Variants in SIAH3 observed in about 807,000 individuals in gnomAD.
The protein encoded by SIAH3 is seven in absentia homolog 3.
Under a neutral mutation model 12.6 loss-of-function variants are expected in SIAH3, and 9 were observed. The observed-to-expected ratio is 0.72, with a 90% CI of 0.43 to 1.25. SIAH3 has a LOEUF of 1.25. Among genes scored for constraint, SIAH3 ranks in the 50% most tolerant of loss-of-function variants. The pLI, the probability that SIAH3 is intolerant of heterozygous loss-of-function variation, is 0.00. For missense variants in SIAH3, 390 were observed against 365.4 expected (o/e 1.07, Z -0.55); for synonymous variants, 154 against 151.1 (o/e 1.02, Z -0.14).
chr13:45,812,074 G>A (rs1293705501), intron 1 of SIAH3, among the ~76,000 whole-genome samples: 9 of 152,204 alleles, frequency 5.9e-5, no homozygotes, highest in Non-Finnish European at 7.3e-5. Flanking sequence ...GCCCAGCACC[G>A]GTGGAGATGG....
intron 1 of SIAH3, among the ~76,000 whole-genome samples, chr13:45,812,644 T>C (rs1950619985): frequency 6.6e-6 from 1 of 152,134 alleles, no homozygotes; most frequent in South Asian, 2.1e-4. Flanking sequence ...GTGATGCATA[T>C]GGGTGCATAA....
intron 1 of SIAH3, among the ~76,000 whole-genome samples, chr13:45,845,292 G>A (rs1473596195): frequency 6.6e-6 from 1 of 151,086 alleles, no homozygotes; most frequent in Non-Finnish European, 1.5e-5. Context: ...AACTTCCTCA[G>A]TAAATAAAGA....
rs1340823103 is a variant in SIAH3, at chr13:45,850,878, T to C, written c.135+617A>G. 2.7e-5 allele frequency among the ~76,000 whole-genome samples: 4 copies of C among 150,072 alleles called. No homozygotes were observed. In the East Asian group the frequency reaches 7.9e-4, roughly 30 times the overall value. ...ATCCTGCTCCAGTACACAGAGCGCA[T>C]CTAACCAGCAGGAAGGAAATAAGCC... On this transcript the variant is annotated intron_variant, in intron 1 of 1. Coordinates refer to ENST00000400405, the MANE Select transcript of SIAH3 (RefSeq NM_198849.3).
At chr13:45,817,073 G>A (rs987732215) in intron 1 of SIAH3, among the ~76,000 whole-genome samples, 3 of 152,196 alleles carry the variant, frequency 2.0e-5, no homozygotes, top group African/African-American at 7.2e-5. Context: ...GATTAAATGA[G>A]TTAATTTGTT....
chr13:45,848,826 T>A (rs1950769310), intron 1 of SIAH3, among the ~76,000 whole-genome samples: 2 of 152,190 alleles, frequency 1.3e-5, no homozygotes, highest in Admixed American at 6.5e-5. Flanking sequence ...TCATACAAAA[T>A]GTGGGGAAGC....
intron 1 of SIAH3, among the ~76,000 whole-genome samples, chr13:45,834,678 A>G (rs1242270060): frequency 2.0e-5 from 3 of 152,100 alleles, no homozygotes; most frequent in Non-Finnish European, 2.9e-5. Flanking sequence ...CCTAGAGTCA[A>G]GCCCGCAAAC....
intron 1 of SIAH3, among the ~76,000 whole-genome samples, chr13:45,848,216 C>T (rs567674798): frequency 5.4e-4 from 82 of 152,288 alleles, no homozygotes; most frequent in Admixed American, 9.8e-4. Context: ...GGCTCCTTGA[C>T]GGTCACTTTT....
intron 1 of SIAH3, among the ~76,000 whole-genome samples, chr13:45,807,068 G>T (rs1950600679): frequency 6.6e-6 from 1 of 152,044 alleles, no homozygotes; most frequent in Non-Finnish European, 1.5e-5. Flanking sequence ...CAAATAAGAA[G>T]TAGCTGTTCA....
At chr13:45,801,525 G>A (rs753453105) in intron 1 of SIAH3, among the ~76,000 whole-genome samples, 8 of 152,148 alleles carry the variant, frequency 5.3e-5, no homozygotes, top group Non-Finnish European at 1.2e-4. Context: ...TCCATGTCCT[G>A]GATATGTGAC....
intron 1 of SIAH3, among the ~76,000 whole-genome samples, chr13:45,800,615 C>T (rs904471967): frequency 1.3e-5 from 2 of 152,190 alleles, no homozygotes; most frequent in Non-Finnish European, 2.9e-5. Context: ...GCAGCCAGGC[C>T]TTATTCGCTG....
intron 1 of SIAH3, among the ~76,000 whole-genome samples, chr13:45,799,400 C>G (rs567383131): frequency 3.3e-5 from 5 of 152,134 alleles, no homozygotes; most frequent in African/African-American, 1.2e-4. Flanking sequence ...ATGGTGCAAT[C>G]CATTTAGAAG....
chr13:45,839,333 T>A (rs894655011), intron 1 of SIAH3, among the ~76,000 whole-genome samples: 1 of 152,142 alleles, frequency 6.6e-6, no homozygotes, highest in African/African-American at 2.4e-5. Flanking sequence ...CAGCTTCCAC[T>A]GTTAGATAAT....
At chr13:45,827,672 G>A (rs1356985360) in intron 1 of SIAH3, among the ~76,000 whole-genome samples, 1 of 152,148 alleles carries the variant, frequency 6.6e-6, no homozygotes, top group East Asian at 1.9e-4. Context: ...ATAGGCTTCA[G>A]GAGATACTTC....
At position 45,781,684 on chromosome 13, in the gene SIAH3, G is replaced by A. The variant is rs977424436; in HGVS notation, c.*1699C>T. The A allele has an allele frequency of 3.3e-5, 5 of 152,318 alleles. No homozygotes were observed. Among genetic ancestry groups the A allele is most frequent in the African/African-American group, 7.2e-5 (3 of 41,570 alleles). 9.4% of individuals were successfully genotyped at this position (152,318 alleles called of 1,614,324 possible). A position where few individuals can be genotyped will look rare whatever the true frequency, so the allele number is the denominator to read the frequency against. On this transcript the variant is annotated 3_prime_UTR_variant, in exon 2 of 2. Transcript: ENST00000400405. ...AGCCTCTGTTATTAAATCTTGTATC[G>A]ACTGGCACCTCCCTTCTGGTGCGTG...
At chr13:45,833,724 C>T (rs540429284) in intron 1 of SIAH3, among the ~76,000 whole-genome samples, 8 of 152,268 alleles carry the variant, frequency 5.3e-5, no homozygotes, top group Non-Finnish European at 1.2e-4. Context: ...GGGACAGACT[C>T]AGAAAGGGGA....
intron 1 of SIAH3, among the ~76,000 whole-genome samples, chr13:45,839,136 ATC>A (rs912411198): frequency 1.3e-5 from 2 of 152,128 alleles, no homozygotes; most frequent in African/African-American, 2.4e-5. Context: ...AGGCCTGTGG[ATC>A]TCTTAGAGAA....
At chr13:45,848,869 T>C (rs547902623) in intron 1 of SIAH3, among the ~76,000 whole-genome samples, 142 of 152,346 alleles carry the variant, frequency 9.3e-4, no homozygotes, top group South Asian at 4.6e-3. Flanking sequence ...GGGTTAATAC[T>C]GCCACAGGTT....
intron 1 of SIAH3, among the ~76,000 whole-genome samples, chr13:45,791,356 C>T (rs1004262597): frequency 3.3e-5 from 5 of 152,140 alleles, no homozygotes; most frequent in African/African-American, 1.2e-4. Flanking sequence ...TTTGCCATTA[C>T]TTTTAATATA....
intron 1 of SIAH3, among the ~76,000 whole-genome samples, chr13:45,830,188 C>T (rs1950693484): frequency 1.3e-5 from 2 of 152,214 alleles, no homozygotes; most frequent in Admixed American, 6.5e-5. Flanking sequence ...GGGGCAGCCA[C>T]CTTCTTCTCT....
Sources: gnomAD v4.1 joint callset for allele counts (sites outside exome capture counted in the v4.1 genomes callset) on GRCh38, gnomAD v4.1.1 for gene constraint, MANE v1.5 for transcripts, NCBI Gene and HGNC (gene_info 2026-07-23, HGNC 2026-07-21) for gene names.